The following HECTD2 variants were observed in gnomAD, a reference collection of about 807,000 sequenced individuals.
The protein encoded by HECTD2 is HECT domain E3 ubiquitin protein ligase 2, also known as probable E3 ubiquitin-protein ligase HECTD2.
A neutral mutation model predicts 103.2 loss-of-function variants in HECTD2; 35 were observed. The observed-to-expected ratio is 0.34, with a 90% CI of 0.26 to 0.45. HECTD2 has a LOEUF of 0.45. HECTD2 is among the 20% of genes least tolerant of loss of function. The pLI is 1.00. For missense variants in HECTD2, 596 were observed against 937.4 expected, an observed-to-expected ratio of 0.64 and a Z score of 4.76; for synonymous variants, 281 against 329.9, an observed-to-expected ratio of 0.85 and a Z score of 1.61.
At chr10:91,427,027 A>G (rs1271472377) in intron 2 of HECTD2, among the ~76,000 whole-genome samples, 1 of 113,828 alleles carries the variant, frequency 8.8e-6, no homozygotes, top group Non-Finnish European at 1.7e-5. Context: ...CAGTCGCCAG[A>G]GTGTGATGTT....
intron 20 of HECTD2, among the ~76,000 whole-genome samples, chr10:91,504,368 GA>G (rs1847052148): frequency 6.6e-6 from 1 of 150,876 alleles, no homozygotes; most frequent in South Asian, 2.1e-4. Context: ...CAAAGAAGTT[GA>G]AAACTTTGAA....
At chr10:91,424,186 A>C (rs774146518) in intron 1 of HECTD2, among the ~76,000 whole-genome samples, 9 of 152,140 alleles carry the variant, frequency 5.9e-5, no homozygotes, top group Admixed American at 4.6e-4. Context: ...GTTTTGCCCC[A>C]GTCTTAAATG....
intron 2 of HECTD2, among the ~76,000 whole-genome samples, chr10:91,449,343 AC>A (rs923389887): frequency 6.6e-6 from 1 of 152,114 alleles, no homozygotes. Context: ...AAAATTCAAC[AC>A]TTTTTTATAC....
At chr10:91,465,100 T>G (rs895273263) in intron 5 of HECTD2, among the ~76,000 whole-genome samples, 1 of 152,064 alleles carries the variant, frequency 6.6e-6, no homozygotes, top group South Asian at 2.1e-4. Flanking sequence ...TGGGTTTTTT[T>G]CCCCCCTCAG....
intron 2 of HECTD2, among the ~76,000 whole-genome samples, chr10:91,443,646 G>T (rs1035788375): frequency 1.3e-5 from 2 of 152,086 alleles, no homozygotes; most frequent in Non-Finnish European, 2.9e-5. Context: ...ACAGCTGGCA[G>T]GCAGGAATGC....
rs562428802 is a variant in HECTD2 at position 91,502,127 on chromosome 10, A to G, written c.2210+793A>G. 1.2e-3 allele frequency among the ~76,000 whole-genome samples: 181 copies of G among 152,260 alleles called. No individual in the cohort carries two copies. The Middle Eastern group carries it at 0.017, about 14-fold the overall frequency. ...CATGTGCTTTAACACTATTTAGATC[A>G]TATTTCCGTGGGAAATAACTTTATT... On this transcript the variant is annotated intron_variant, in intron 20 of 20. Coordinates refer to ENST00000298068, the MANE Select transcript of HECTD2 (RefSeq NM_182765.6).
chr10:91,489,479 T>C (rs1256280454), intron 11 of HECTD2: 2 of 152,170 alleles, frequency 1.3e-5, no homozygotes, highest in African/African-American at 2.4e-5. Flanking sequence ...AATTGTATCA[T>C]TGTTGGGTTA....
Position 91,498,164 on chromosome 10 carries a change from T to C in HECTD2, c.1737T>C (p.Asp579=). 1.2e-6 allele frequency: 2 copies of C among 1,609,190 alleles called. No individual in the cohort carries two copies. The highest frequency in any genetic ancestry group is 1.7e-6 in the Non-Finnish European group (2 of 1,175,694). ...LLSHEGNVEE[D]FYSTFQVFQE... ...CACATGAAGGCAATGTTGAAGAAGA[T>C]TTCTATTCAACATTTCAGGTACTAT... is the stretch of plus-strand genomic sequence containing the variant. The change falls in exon 16 of 21, where the codon GAT becomes GAC. Residue 579 remains aspartate, a synonymous_variant. Coordinates refer to ENST00000298068, the MANE Select transcript of HECTD2 (RefSeq NM_182765.6).
chr10:91,431,903 C>G (rs1388409724), intron 2 of HECTD2, among the ~76,000 whole-genome samples: 1 of 152,050 alleles, frequency 6.6e-6, no homozygotes, highest in Non-Finnish European at 1.5e-5. Context: ...CTCCGTCCAG[C>G]TTTGTTCCAT....
intron 20 of HECTD2, among the ~76,000 whole-genome samples, chr10:91,507,558 T>G (rs1847240446): frequency 6.6e-6 from 1 of 151,966 alleles, no homozygotes; most frequent in African/African-American, 2.4e-5. Context: ...GGAATCCAAC[T>G]TACAAGGGAT....
intron 2 of HECTD2, among the ~76,000 whole-genome samples, chr10:91,455,506 C>T (rs1233541625): frequency 6.6e-6 from 1 of 152,088 alleles, no homozygotes; most frequent in African/African-American, 2.4e-5. Context: ...CAAAAATGTT[C>T]TCCCATTCTG....
At chr10:91,465,743 T>A (rs984875034) in intron 5 of HECTD2, among the ~76,000 whole-genome samples, 3 of 152,190 alleles carry the variant, frequency 2.0e-5, no homozygotes, top group African/African-American at 7.2e-5. Context: ...TTAGTTGATT[T>A]TCAGGTGTTG....
chr10:91,469,130 T>C (rs919796731), intron 5 of HECTD2, among the ~76,000 whole-genome samples: 1 of 152,120 alleles, frequency 6.6e-6, no homozygotes, highest in African/African-American at 2.4e-5. Flanking sequence ...AATCTACAAC[T>C]CATTGACATC....
At chr10:91,470,605 T>G (rs774002542) in intron 5 of HECTD2, among the ~76,000 whole-genome samples, 1 of 151,976 alleles carries the variant, frequency 6.6e-6, no homozygotes, top group African/African-American at 2.4e-5. Flanking sequence ...AGATCTCAAG[T>G]AAACATAATA....
At chr10:91,440,352 C>G (rs55718133) in intron 2 of HECTD2, among the ~76,000 whole-genome samples, 1 of 151,872 alleles carries the variant, frequency 6.6e-6, no homozygotes, top group Non-Finnish European at 1.5e-5. Flanking sequence ...TTTTTGTCAT[C>G]GGTTCTTTTT....
chr10:91,434,400 C>T (rs894746410), intron 2 of HECTD2, among the ~76,000 whole-genome samples: 5 of 152,018 alleles, frequency 3.3e-5, no homozygotes, highest in Non-Finnish European at 1.5e-5. Flanking sequence ...CACACGTTGT[C>T]AGTTAAGAAC....
chr10:91,425,327 T>C lies in HECTD2; in HGVS notation c.185T>C (p.Phe62Ser). The change falls in exon 2 of 21, where the codon TTT (phenylalanine) becomes TCT (serine). Residue 62 changes from phenylalanine (F) to serine (S), a missense_variant. Coordinates refer to ENST00000298068, the MANE Select transcript of HECTD2 (RefSeq NM_182765.6). ...GGCCAAATTTCCACTTTCAGCAGTT[T>C]TATTTCAGCTGTTAGCCCGAAGAAA... ...AKGQISTFSS[F>S]ISAVSPKKEA... 4 of 1,543,932 alleles carry C rather than the reference T, an allele frequency of 2.6e-6. No individual in the cohort carries two copies. The highest frequency in any genetic ancestry group is 3.5e-6 in the Non-Finnish European group (4 of 1,138,678).
chr10:91,473,172 G>T (rs1270932303), intron 5 of HECTD2, among the ~76,000 whole-genome samples: 1 of 152,100 alleles, frequency 6.6e-6, no homozygotes, highest in African/African-American at 2.4e-5. Flanking sequence ...AGACAAAGTA[G>T]TGAAATTGGA....
intron 20 of HECTD2, 122 bp downstream of exon 20, chr10:91,501,456 G>C: frequency 1.7e-6 from 1 of 572,984 alleles, no homozygotes; most frequent in Non-Finnish European, 2.9e-6. Flanking sequence ...AAAATCTTCA[G>C]AGTAAACATG....
Sources: gnomAD v4.1 joint callset for allele counts (sites outside exome capture counted in the v4.1 genomes callset) on GRCh38, gnomAD v4.1.1 for gene constraint, MANE v1.5 for transcripts, NCBI Gene and HGNC (gene_info 2026-07-23, HGNC 2026-07-21) for gene names.